The following GCSAML variants were observed in gnomAD, a reference collection of about 807,000 sequenced individuals.
GCSAML encodes the protein germinal center-associated signaling and motility-like protein.
A neutral mutation model predicts 13.0 loss-of-function variants in GCSAML; 9 were observed. That is an observed-to-expected ratio of 0.69 (90% CI 0.42 to 1.21). The LOEUF (loss-of-function observed/expected upper bound fraction) is 1.21. GCSAML is among the 50% of genes most tolerant of loss of function. The pLI, the probability that GCSAML is intolerant of heterozygous loss-of-function variation, is 0.00. For synonymous variants in GCSAML, 37 were observed against 52.9 expected (o/e 0.70, Z 1.31); for missense variants, 143 against 153.4 (o/e 0.93, Z 0.36).
At chr1:247,509,949 T>A (rs1665972400) in intron 1 of GCSAML, among the ~76,000 whole-genome samples, 1 of 152,232 alleles carries the variant, frequency 6.6e-6, no homozygotes. Flanking sequence ...TCAGGGATAT[T>A]GGCCTGAAAT....
At position 247,527,019 on chromosome 1, in the gene GCSAML, C is replaced by G. The variant is rs1666707748; in HGVS notation, c.-183C>G. On this transcript the variant is annotated 5_prime_UTR_variant, in exon 2 of 6. Transcript: ENST00000366489. This position sits in a 1 kb window ranked among gnomAD's most constrained non-coding sequence, Gnocchi z 4.6. ...TGGAGCCAGAAATTGTGTGGAATGC[C>G]TGGTGTTTCTTTCAGTTCTTGGATG... 2.2e-6 allele frequency: 1 copy of G among 456,552 alleles called. No individual in the cohort carries two copies. The highest frequency in any genetic ancestry group is 2.0e-5 in the African/African-American group (1 of 50,064). 28.3% of individuals were successfully genotyped at this position (456,552 alleles called of 1,614,324 possible).
intron 1 of GCSAML, among the ~76,000 whole-genome samples, chr1:247,551,164 G>A (rs1667764892): frequency 6.6e-6 from 1 of 152,300 alleles, no homozygotes; most frequent in East Asian, 1.9e-4. Flanking sequence ...ACAGCGCACT[G>A]TAGAAATAAA....
Position 247,539,382 on chromosome 1 carries a change from T to C in GCSAML, c.-147-9663T>C, listed in dbSNP as rs142704357. ...CCATTGGATATTCACGCAGGTCCAG[T>C]TGGGGACCAGTGGTTTCAGCTAGCT... On this transcript the variant is annotated intron_variant, in intron 2 of 5. Transcript: ENST00000366489. Among the ~76,000 whole-genome samples the C allele has an allele frequency of 5.9e-5, 9 of 152,270 alleles. 1 individual carries two copies. Among genetic ancestry groups the C allele is most frequent in the Admixed American group, 3.3e-4 (5 of 15,302 alleles).
At chr1:247,522,272 TAGCCGCCCTGTCCGGGAGGGAGGTGGG>T (rs1558236556) in intron 1 of GCSAML, among the ~76,000 whole-genome samples, 7 of 93,126 alleles carry the variant, frequency 7.5e-5, no homozygotes, top group African/African-American at 4.1e-5. Flanking sequence ...CCCACCCGGC[TAGCCGCCCTGTCCGGGAGGGAGGTGGG>T]GGGCGCCTCC....
At chr1:247,559,210 T>C (rs928640657) in intron 2 of GCSAML, among the ~76,000 whole-genome samples, 1 of 152,222 alleles carries the variant, frequency 6.6e-6, no homozygotes, top group Non-Finnish European at 1.5e-5. Context: ...GATCATAATT[T>C]TGAAATTTGT....
At chr1:247,509,086 A>G (rs534930365) in intron 1 of GCSAML, among the ~76,000 whole-genome samples, 68 of 152,254 alleles carry the variant, frequency 4.5e-4, no homozygotes, top group South Asian at 6.2e-4. Flanking sequence ...TCTTTTATAA[A>G]TTACTTTGGG....
At chr1:247,564,572 T>A (rs1036027630) in intron 3 of GCSAML, among the ~76,000 whole-genome samples, 4 of 152,186 alleles carry the variant, frequency 2.6e-5, no homozygotes, top group Admixed American at 2.6e-4. Context: ...AAAAATGGCC[T>A]ATATTCAAGG....
At chr1:247,522,775 C>G (rs921930196) in intron 1 of GCSAML, among the ~76,000 whole-genome samples, 1 of 152,122 alleles carries the variant, frequency 6.6e-6, no homozygotes, top group Non-Finnish European at 1.5e-5. Context: ...ACAAACACTG[C>G]GGAAGGCCGC....
chr1:247,567,370 C>T (rs1228898316), intron 4 of GCSAML, among the ~76,000 whole-genome samples: 3 of 152,012 alleles, frequency 2.0e-5, no homozygotes, highest in African/African-American at 7.2e-5. Flanking sequence ...ATGTTCCCCT[C>T]CCTGTGCCCA....
intron 1 of GCSAML, among the ~76,000 whole-genome samples, chr1:247,524,272 C>G (rs1438454922): frequency 6.6e-6 from 1 of 152,144 alleles, no homozygotes; most frequent in Non-Finnish European, 1.5e-5. Flanking sequence ...CACTCTTTCC[C>G]TTACTCTCTT....
intron 1 of GCSAML, among the ~76,000 whole-genome samples, chr1:247,552,142 A>C (rs180919069): frequency 6.6e-6 from 1 of 152,350 alleles, no homozygotes; most frequent in East Asian, 1.9e-4. Context: ...TGGGTAGGAA[A>C]GAGTTGTCAC....
chr1:247,550,906 A>C (rs762405189), intron 1 of GCSAML, among the ~76,000 whole-genome samples: 2 of 152,226 alleles, frequency 1.3e-5, no homozygotes, highest in Non-Finnish European at 2.9e-5. Flanking sequence ...GCAAATTTTA[A>C]AAATGGATAG....
intron 1 of GCSAML, among the ~76,000 whole-genome samples, chr1:247,521,024 G>A (rs1240517268): frequency 6.6e-6 from 1 of 151,948 alleles, no homozygotes; most frequent in Non-Finnish European, 1.5e-5. Context: ...TTTAGTGTGG[G>A]CCTATATAAA....
At chr1:247,569,589 G>T (rs1024976014) in intron 4 of GCSAML, among the ~76,000 whole-genome samples, 119 of 152,306 alleles carry the variant, frequency 7.8e-4, no homozygotes, top group African/African-American at 2.8e-3. Flanking sequence ...TTTTTAATGT[G>T]CTGCTGGATT....
chr1:247,516,365 G>C (rs143624444), intron 1 of GCSAML, among the ~76,000 whole-genome samples: 1 of 152,196 alleles, frequency 6.6e-6, no homozygotes, highest in Non-Finnish European at 1.5e-5. Context: ...CAGGTGATGA[G>C]TACTGAACAA....
At chr1:247,560,949 T>A (rs999416807) in intron 2 of GCSAML, among the ~76,000 whole-genome samples, 2 of 152,274 alleles carry the variant, frequency 1.3e-5, no homozygotes, top group East Asian at 1.9e-4. Context: ...AGATTTTTTT[T>A]ATTTTTATTT....
intron 1 of GCSAML, among the ~76,000 whole-genome samples, chr1:247,551,122 C>T (rs1039367194): frequency 2.0e-5 from 3 of 152,126 alleles, no homozygotes; most frequent in Non-Finnish European, 2.9e-5. Context: ...TAAGATAAGG[C>T]AGGTGCTAAT....
intron 1 of GCSAML, among the ~76,000 whole-genome samples, chr1:247,511,096 A>T (rs1558231070): frequency 6.6e-6 from 1 of 152,032 alleles, no homozygotes; most frequent in Non-Finnish European, 1.5e-5. Context: ...TGAGGTGTTA[A>T]AGTCTCCCCA....
chr1:247,512,405 C>A (rs1305085041), intron 1 of GCSAML, among the ~76,000 whole-genome samples: 1 of 151,906 alleles, frequency 6.6e-6, no homozygotes, highest in African/African-American at 2.4e-5. Context: ...GTTAGCAATT[C>A]CTCTAACCTT....
Sources: gnomAD v4.1 joint callset for allele counts (sites outside exome capture counted in the v4.1 genomes callset) on GRCh38, gnomAD v4.1.1 for gene constraint, Gnocchi (gnomAD v3.1) non-coding constraint, MANE v1.5 for transcripts, NCBI Gene and HGNC (gene_info 2026-07-23, HGNC 2026-07-21) for gene names.